The following ZNF207 variants were observed in gnomAD, a reference collection of about 807,000 sequenced individuals.
The protein encoded by ZNF207 is BUB3-interacting and GLEBS motif-containing protein ZNF207.
In ZNF207, 24 loss-of-function variants were observed where a neutral mutation model predicts 60.2. The ratio of observed to expected loss-of-function variants is 0.40; its 90% CI spans 0.29 to 0.56. ZNF207 has a LOEUF of 0.56. Ranked by LOEUF, ZNF207 falls within the 20% of genes least tolerant of loss-of-function variation. ZNF207 has a pLI of 0.49. For synonymous variants in ZNF207, 236 were observed against 194.7 expected, an observed-to-expected ratio of 1.21 and a Z score of -1.77; for missense variants, 452 against 636.6, an observed-to-expected ratio of 0.71 and a Z score of 3.12.
At position 32,361,319 on chromosome 17, in the gene ZNF207, G is replaced by A. The variant is rs1402448862; in HGVS notation, c.552-149G>A. On this transcript the variant is annotated intron_variant, in intron 5 of 11. Coordinates refer to ENST00000394670, the MANE Select transcript of ZNF207 (RefSeq NM_001098507.2). ...GAGAAACTCTGTAAATGATTTATTT[G>A]TCAAAGCATCAAAACTAAAATGAAT... 3 of 605,482 alleles carry A rather than the reference G, an allele frequency of 5.0e-6. No individual in the cohort carries two copies. In the Admixed American group the frequency reaches 1.0e-4, roughly 21 times the overall value. The allele number at this position is 605,482 out of a possible 1,614,324, so 37.5% of individuals were successfully genotyped here. A position where few individuals can be genotyped will look rare whatever the true frequency, so the allele number is the denominator to read the frequency against.
chr17:32,364,818 A>G (rs1424416973), intron 7 of ZNF207, among the ~76,000 whole-genome samples: 1 of 152,262 alleles, frequency 6.6e-6, no homozygotes, highest in Non-Finnish European at 1.5e-5. Flanking sequence ...ATATTTAGGT[A>G]TTTAAAAGAA....
intron 1 of ZNF207, chr17:32,351,032 T>G (rs1296312690): frequency 6.5e-6 from 1 of 153,548 alleles, no homozygotes; most frequent in Non-Finnish European, 1.4e-5. Context: ...CTGGAAGCGT[T>G]AATATTCTTT....
chr17:32,352,225 C>T (rs1236512521), intron 2 of ZNF207, among the ~76,000 whole-genome samples: 1 of 152,166 alleles, frequency 6.6e-6, no homozygotes, highest in Non-Finnish European at 1.5e-5. Flanking sequence ...CCACCTGGGC[C>T]TCCCAGAGTG....
chr17:32,378,468 G>A lies in ZNF207; in HGVS notation c.*8709G>A, dbSNP rs1250868720. ...TTTATAATGCTTTTTTGTTCTTTTA[G>A]CAACACTTGTAAATACAAGTACTCC... On this transcript the variant is annotated 3_prime_UTR_variant, in exon 12 of 12. Transcript: ENST00000394670. 2 of 151,866 alleles carry A rather than the reference G, an allele frequency of 1.3e-5. No individual in the cohort carries two copies. The highest frequency in any genetic ancestry group is 2.9e-5 in the Non-Finnish European group (2 of 67,874). 9.4% of individuals were successfully genotyped at this position (151,866 alleles called of 1,614,324 possible).
At chr17:32,368,485 T>G (rs1905300857) in intron 10 of ZNF207, 2 of 165,598 alleles carry the variant, frequency 1.2e-5, no homozygotes, top group African/African-American at 2.4e-5. Context: ...GCAGATCACT[T>G]GATCAGGAGT....
In ZNF207 at chr17:32,380,463, TAAAG is replaced by T. The variant is rs748626817; in HGVS notation, c.*10708_*10711del. The T allele has an allele frequency of 1.8e-4, 27 of 152,328 alleles. No individual in the cohort carries two copies. Among genetic ancestry groups the T allele is most frequent in the Middle Eastern group, 6.8e-3 (2 of 294 alleles). The allele number at this position is 152,328 out of a possible 1,614,324, so 9.4% of individuals were successfully genotyped here. A position where few individuals can be genotyped will look rare whatever the true frequency, so the allele number is the denominator to read the frequency against. ...TTGCAGGGTAGAAATAAGTGGCTGT[TAAAG>T]AAAATATCTTCAAGAAGGATTATTT... On this transcript the variant is annotated 3_prime_UTR_variant, in exon 12 of 12. Transcript: ENST00000394670.
chr17:32,369,603 G>A lies in ZNF207; in HGVS notation c.1329G>A (p.Gln443=). 6 of 1,567,634 alleles carry A rather than the reference G, an allele frequency of 3.8e-6. No homozygotes were observed. The highest frequency in any genetic ancestry group is 4.3e-6 in the Non-Finnish European group (5 of 1,155,524). ...GTTTGAAATTCTTGATTTTAGGTCA[G>A]TATGGTGGTCATCATCAAGGCATGC... ...GMRPPMPPHG[Q]YGGHHQGMPG... Residue 443 remains glutamine (Q), a synonymous_variant, in exon 12 of 12, where the codon CAG becomes CAA. Coordinates refer to ENST00000394670, the MANE Select transcript of ZNF207 (RefSeq NM_001098507.2).
chr17:32,373,498 T>C lies in ZNF207; in HGVS notation c.*3739T>C. 1 of 511,054 alleles carries C rather than the reference T, an allele frequency of 2.0e-6. No individual in the cohort carries two copies. The highest frequency in any genetic ancestry group is 3.5e-6 in the Non-Finnish European group (1 of 283,152). The allele number at this position is 511,054 out of a possible 1,614,324, so 31.7% of individuals were successfully genotyped here. A position where few individuals can be genotyped will look rare whatever the true frequency, so the allele number is the denominator to read the frequency against. On this transcript the variant is annotated 3_prime_UTR_variant, in exon 12 of 12. Coordinates refer to ENST00000394670, the MANE Select transcript of ZNF207 (RefSeq NM_001098507.2). ...TTCCTTATAGGGGCTTTCACAGCTT[T>C]ATGGCTGTTGGATATTTATGTCCCC...
intron 2 of ZNF207, among the ~76,000 whole-genome samples, chr17:32,355,313 G>C (rs1423914700): frequency 6.6e-6 from 1 of 152,168 alleles, no homozygotes; most frequent in Non-Finnish European, 1.5e-5. Context: ...CGCTTGAGCT[G>C]GGGAGGACGA....
At chr17:32,365,553 G>C in intron 8 of ZNF207, 66 bp downstream of exon 8, 1 of 1,432,740 alleles carries the variant, frequency 7.0e-7, no homozygotes, top group Non-Finnish European at 9.1e-7. Context: ...GTTTACAGAA[G>C]TCTTTGAAAT....
chr17:32,352,038 GC>G, intron 2 of ZNF207, 126 bp downstream of exon 2: 1 of 869,530 alleles, frequency 1.2e-6, no homozygotes, highest in Non-Finnish European at 1.7e-6. Context: ...TGCAATCTCG[GC>G]CCACTGCAAC....
At chr17:32,357,614 T>C (rs1239868666) in intron 2 of ZNF207, among the ~76,000 whole-genome samples, 2 of 151,890 alleles carry the variant, frequency 1.3e-5, no homozygotes, top group African/African-American at 4.8e-5. Context: ...CCCAAAGTGC[T>C]GGGATTACAG....
rs1905882886 is a variant in ZNF207 at position 32,381,393 on chromosome 17, G to T, written c.*11634G>T. On this transcript the variant is annotated 3_prime_UTR_variant, in exon 12 of 12. Coordinates refer to ENST00000394670, the MANE Select transcript of ZNF207 (RefSeq NM_001098507.2). ...ATGTAAGTAAATGAGCTCACTAAGG[G>T]TAATTAAATACTAGCTTTTAAAATT... 1.3e-5 allele frequency: 2 copies of T among 152,194 alleles called. No homozygotes were observed. The highest frequency in any genetic ancestry group is 2.4e-5 in the African/African-American group (1 of 41,440). 9.4% of individuals were successfully genotyped at this position (152,194 alleles called of 1,614,324 possible). A position where few individuals can be genotyped will look rare whatever the true frequency, so the allele number is the denominator to read the frequency against.
chr17:32,357,682 C>T (rs1027354131), intron 2 of ZNF207, among the ~76,000 whole-genome samples: 3 of 151,828 alleles, frequency 2.0e-5, no homozygotes, highest in Non-Finnish European at 4.4e-5. Flanking sequence ...GAGACAGTCT[C>T]TCAGTATCTG....
At position 32,370,960 on chromosome 17, in the gene ZNF207, C is replaced by T. The variant is rs1905439387; in HGVS notation, c.*1201C>T. 1 of 152,074 alleles carries T rather than the reference C, an allele frequency of 6.6e-6. No individual in the cohort carries two copies. The highest frequency in any genetic ancestry group is 2.1e-4 in the South Asian group (1 of 4,820). 9.4% of individuals were successfully genotyped at this position (152,074 alleles called of 1,614,324 possible). ...AAGATTACATTATTCATTTGAGTAC[C>T]TTCTGTTATTAAGCCTAGGTAGCCT... On this transcript the variant is annotated 3_prime_UTR_variant, in exon 12 of 12. Coordinates refer to ENST00000394670, the MANE Select transcript of ZNF207 (RefSeq NM_001098507.2).
At position 32,372,094 on chromosome 17, in the gene ZNF207, A is replaced by G. The variant is rs1905492790; in HGVS notation, c.*2335A>G. 1 of 152,320 alleles carries G rather than the reference A, an allele frequency of 6.6e-6. No individual in the cohort carries two copies. The highest frequency in any genetic ancestry group is 1.5e-5 in the Non-Finnish European group (1 of 68,176). 9.4% of individuals were successfully genotyped at this position (152,320 alleles called of 1,614,324 possible). The stretch of plus-strand genomic sequence containing the variant: ...GGCGGGTGGATCATGAGGTCAGGAG[A>G]TGGAGACCATCCTGGCTAACACGGT... On this transcript the variant is annotated 3_prime_UTR_variant, in exon 12 of 12. Transcript: ENST00000394670.
chr17:32,371,186 A>G lies in ZNF207; in HGVS notation c.*1427A>G, dbSNP rs371487903. The G allele has an allele frequency of 1.5e-4, 23 of 152,322 alleles. No individual in the cohort carries two copies. In the South Asian group the frequency reaches 4.8e-3, roughly 32 times the overall value. 9.4% of individuals were successfully genotyped at this position (152,322 alleles called of 1,614,324 possible). On this transcript the variant is annotated 3_prime_UTR_variant, in exon 12 of 12. Transcript: ENST00000394670. Reference sequence around the variant, plus strand: ...TTTTTAGGCATCAAATAACCTATGCAAAGTATTAATATAATGAACTCAAGT... The same window carrying G: ...TTTTTAGGCATCAAATAACCTATGCGAAGTATTAATATAATGAACTCAAGT...
Position 32,370,923 on chromosome 17 carries a change from T to G in ZNF207, c.*1164T>G, listed in dbSNP as rs1185225507. 2 of 152,232 alleles carry G rather than the reference T, an allele frequency of 1.3e-5. No individual in the cohort carries two copies. The highest frequency in any genetic ancestry group is 3.8e-4 in the East Asian group (2 of 5,202). The allele number at this position is 152,232 out of a possible 1,614,324, so 9.4% of individuals were successfully genotyped here. On this transcript the variant is annotated 3_prime_UTR_variant, in exon 12 of 12. Coordinates refer to ENST00000394670, the MANE Select transcript of ZNF207 (RefSeq NM_001098507.2). Reference sequence around the variant, plus strand: ...TTAACAGATGAATTGGCAATTTTTATTATGTTCCTGGAAGATTACATTATT... The same window carrying G: ...TTAACAGATGAATTGGCAATTTTTAGTATGTTCCTGGAAGATTACATTATT...
At chr17:32,357,380 G>A (rs1229065211) in intron 2 of ZNF207, among the ~76,000 whole-genome samples, 1 of 125,700 alleles carries the variant, frequency 8.0e-6, no homozygotes, top group African/African-American at 3.2e-5. Flanking sequence ...ACAGAATCTC[G>A]CTCTCTTGCC....
Sources: allele counts gnomAD v4.1 joint callset (sites outside exome capture counted in the v4.1 genomes callset), GRCh38; gene constraint gnomAD v4.1.1; transcripts MANE v1.5; gene names NCBI Gene and HGNC (gene_info 2026-07-23, HGNC 2026-07-21).